LGALS8: variants seen among roughly 807,000 people sequenced by gnomAD.
LGALS8 encodes galectin 8.
In LGALS8, 30 loss-of-function variants were observed where a neutral mutation model predicts 35.9. The ratio of observed to expected loss-of-function variants is 0.83; its 90% CI spans 0.62 to 1.13. The LOEUF (loss-of-function observed/expected upper bound fraction) is 1.13. Ranked by LOEUF, LGALS8 falls within the 50% of genes most tolerant of loss-of-function variation. LGALS8 has a pLI of 0.00. For synonymous variants in LGALS8, 138 were observed against 136.1 expected, an observed-to-expected ratio of 1.01 and a Z score of -0.10; for missense variants, 366 against 388.7, an observed-to-expected ratio of 0.94 and a Z score of 0.49.
At chr1:236,525,634 C>G (rs1660776425) in intron 1 of LGALS8, 2 of 155,850 alleles carry the variant, frequency 1.3e-5, no homozygotes. Flanking sequence ...AACTCCTGAA[C>G]CTCAGGTGAT....
rs183120411 is a variant in LGALS8, at chr1:236,535,244, C to A, written c.46-2253C>A. ...AGAAAAAAATTAAAATCCCATCATC[C>A]CCCATGAAAACTATTGTTATCATTT... On this transcript the variant is annotated intron_variant, in intron 2 of 9. Transcript: ENST00000366584. 3.4e-4 allele frequency among the ~76,000 whole-genome samples: 51 copies of A among 151,722 alleles called. 1 individual carries two copies. The East Asian group carries it at 8.7e-3, about 26-fold the overall frequency.
rs2254487 is a variant in LGALS8, at chr1:236,551,035, C to A, written c.*2874C>A. ...ATCAAAATTAAAATCTGAGTCAGTC[C>A]GCCTGCCTCGGTTCTCATTAGTTTA... On this transcript the variant is annotated 3_prime_UTR_variant, in exon 10 of 10. Transcript: ENST00000366584. 13 of 1,417,498 alleles carry A rather than the reference C, an allele frequency of 9.2e-6. No individual in the cohort carries two copies. The highest frequency in any genetic ancestry group is 1.5e-5 in the African/African-American group (1 of 68,522). The allele number at this position is 1,417,498 out of a possible 1,614,324, so 87.8% of individuals were successfully genotyped here.
intron 2 of LGALS8, chr1:236,536,689 G>A (rs548969460): frequency 6.6e-6 from 1 of 152,608 alleles, no homozygotes; most frequent in Non-Finnish European, 1.5e-5. Context: ...GGAATCCCAG[G>A]TGTGGGGGCG....
rs1662806220 is a variant in LGALS8, at chr1:236,552,671, C to G, written c.*4510C>G. 1 of 152,224 alleles carries G rather than the reference C, an allele frequency of 6.6e-6. No homozygotes were observed. The highest frequency in any genetic ancestry group is 2.4e-5 in the African/African-American group (1 of 41,470). The allele number at this position is 152,224 out of a possible 1,614,324, so 9.4% of individuals were successfully genotyped here. The stretch of plus-strand genomic sequence containing the variant: ...TCTAGGTGTTCCTCACATGCCTTGT[C>G]TATAATAAGGAAAGCAAGCAGTAGT... On this transcript the variant is annotated 3_prime_UTR_variant, in exon 10 of 10. Coordinates refer to ENST00000366584, the MANE Select transcript of LGALS8 (RefSeq NM_201544.4).
chr1:236,522,951 A>C (rs2103060630), upstream of LGALS8: 1 of 152,368 alleles, frequency 6.6e-6, no homozygotes, highest in East Asian at 1.9e-4. Flanking sequence ...CAGGGAGGAG[A>C]AAGCCCACGT....
chr1:236,521,480 G>A (rs1035473268), upstream of LGALS8, among the ~76,000 whole-genome samples: 1 of 152,194 alleles, frequency 6.6e-6, no homozygotes, highest in African/African-American at 2.4e-5. Context: ...GATTCGGGCA[G>A]ATCAGGAAGT....
chr1:236,547,273 G>C (rs1304580107), intron 9 of LGALS8, among the ~76,000 whole-genome samples: 5 of 152,198 alleles, frequency 3.3e-5, no homozygotes, highest in Admixed American at 3.3e-4. Flanking sequence ...TGATGTAAAA[G>C]GCTAGTAGGT....
Position 236,524,077 on chromosome 1 carries a change from C to G in LGALS8, c.-104+16C>G. On this transcript the variant is annotated intron_variant, in intron 1 of 9. Coordinates refer to ENST00000366584, the MANE Select transcript of LGALS8 (RefSeq NM_201544.4). ...CAGTCTTTGGGTGAGTCGCGCGACC[C>G]CCGGCCTCGGGTGGCGGGGCAGTCG... The G allele has an allele frequency of 2.2e-6, 1 of 455,376 alleles. No homozygotes were observed. The highest frequency in any genetic ancestry group is 1.6e-5 in the South Asian group (1 of 64,468). The allele number at this position is 455,376 out of a possible 1,614,324, so 28.2% of individuals were successfully genotyped here.
intron 7 of LGALS8, 148 bp from the exon 8 acceptor site, chr1:236,543,412 C>T (rs1273528400): frequency 1.4e-6 from 1 of 726,712 alleles, no homozygotes; most frequent in African/African-American, 1.7e-5. Context: ...TGCAGGGGAC[C>T]CAGCTGGGAC....
At chr1:236,534,811 C>G (rs888193427) in intron 2 of LGALS8, among the ~76,000 whole-genome samples, 9 of 151,900 alleles carry the variant, frequency 5.9e-5, no homozygotes, top group Admixed American at 5.2e-4. Context: ...CATTACCTCC[C>G]AAAGCAACCC....
chr1:236,538,094 A>C (rs1202927500), intron 3 of LGALS8, among the ~76,000 whole-genome samples: 1 of 129,248 alleles, frequency 7.7e-6, no homozygotes, highest in Admixed American at 8.2e-5. Flanking sequence ...GACAAAAAAA[A>C]AAAAGAAAAA....
Position 236,541,664 on chromosome 1 carries a change from G to C in LGALS8, c.476G>C (p.Ser159Thr). Residue 159 changes from serine to threonine, a missense_variant, in exon 6 of 10, where the codon AGT (serine) becomes ACT (threonine). By Grantham distance (58) the Ser-to-Thr change is moderately conservative. Coordinates refer to ENST00000366584, the MANE Select transcript of LGALS8 (RefSeq NM_201544.4). ...ATTATCTTTTCTCAGGACTTACAAA[G>C]TACCCAAGCATCTAGTCTGGAACTG... ...IGFSFSSDLQ[S>T]TQASSLELTE... is the part of the protein sequence containing the mutation. The C allele has an allele frequency of 5.3e-6, 8 of 1,511,874 alleles. No individual in the cohort carries two copies. Among genetic ancestry groups the C allele is most frequent in the Non-Finnish European group, 6.3e-6 (7 of 1,110,728 alleles). 93.7% of individuals were successfully genotyped at this position (1,511,874 alleles called of 1,614,324 possible).
chr1:236,543,615 T>A lies in LGALS8; in HGVS notation c.605T>A (p.Val202Asp), dbSNP rs930668604. The change falls in exon 8 of 10, where the codon GTC becomes GAC. Residue 202 changes from valine (V) to aspartate (D), a missense_variant. Coordinates refer to ENST00000366584, the MANE Select transcript of LGALS8 (RefSeq NM_201544.4). ...CCCATGGGCCCTGGACGAACTGTCG[T>A]CGTTAAAGGAGAAGTGAATGCAAAT... Reference protein sequence around the residue: ...NTPMGPGRTVVVKGEVNANAK... With the variant: ...NTPMGPGRTVDVKGEVNANAK... The A allele has an allele frequency of 6.2e-7, 1 of 1,613,906 alleles. No homozygotes were observed. Among genetic ancestry groups the A allele is most frequent in the Non-Finnish European group, 8.5e-7 (1 of 1,179,972 alleles).
rs11316979 is a variant in LGALS8 at position 236,529,622 on chromosome 1, G to GT, written c.45+3522dup. ...AAAAAAAAGTTAGGCTTCCTTTTCT[G>GT]TTTTTTTTTTTTTTTCTTTCTTCTC... On this transcript the variant is annotated intron_variant, in intron 2 of 9. Transcript: ENST00000366584. Among the ~76,000 whole-genome samples, 186 of 114,730 alleles carry GT rather than the reference G, an allele frequency of 1.6e-3. 2 individuals carry two copies. The highest frequency in any genetic ancestry group is 6.0e-3 in the Middle Eastern group (1 of 166). The allele number at this position is 114,730 out of a possible 152,430, so 75.3% of individuals were successfully genotyped here.
rs371245157 is a variant in LGALS8 at position 236,538,101 on chromosome 1, A to AAAAAAAAAAAAAAG, written c.134+519_134+520insAAAAAAAAAAGAAA. ...GCCTGGGTGACAAAAAAAAAAAAGA[A>AAAAAAAAAAAAAAG]AAAGAAAAAGAATTAGGTATGTCAT... is the stretch of plus-strand genomic sequence containing the variant. On this transcript the variant is annotated intron_variant, in intron 3 of 9. Coordinates refer to ENST00000366584, the MANE Select transcript of LGALS8 (RefSeq NM_201544.4). 2.2e-3 allele frequency among the ~76,000 whole-genome samples: 207 copies of AAAAAAAAAAAAAAG among 96,026 alleles called. 29 individuals carry two copies. Among genetic ancestry groups the AAAAAAAAAAAAAAG allele is most frequent in the African/African-American group, 5.7e-3 (170 of 30,070 alleles). 63.0% of individuals were successfully genotyped at this position (96,026 alleles called of 152,430 possible).
intron 4 of LGALS8, 134 bp downstream of exon 4, chr1:236,539,223 C>T (rs1448001842): frequency 7.0e-6 from 5 of 718,894 alleles, no homozygotes; most frequent in Non-Finnish European, 9.4e-6. Flanking sequence ...TAGTTTTTCT[C>T]CATAAAAGGA....
Position 236,537,528 on chromosome 1 carries a change from A to G in LGALS8, c.77A>G (p.Gln26Arg). The part of the protein sequence containing the change: ...VIPFVGTIPD[Q>R]LDPGTLIVIR... ...CCGTTTGTTGGCACCATTCCTGATC[A>G]GCTGGATCCTGGAACTTTGATTGTG... Residue 26 changes from glutamine to arginine, a missense_variant, in exon 3 of 10, where the codon CAG (glutamine) becomes CGG (arginine). Physicochemically the swap from Gln to Arg is conservative, Grantham distance 43. Coordinates refer to ENST00000366584, the MANE Select transcript of LGALS8 (RefSeq NM_201544.4). 1 of 1,605,644 alleles carries G rather than the reference A, an allele frequency of 6.2e-7. No individual in the cohort carries two copies. The highest frequency in any genetic ancestry group is 8.5e-7 in the Non-Finnish European group (1 of 1,171,984).
upstream of LGALS8, chr1:236,523,349 G>A (rs1660612149): frequency 6.6e-6 from 1 of 152,428 alleles, no homozygotes; most frequent in African/African-American, 2.4e-5. Flanking sequence ...GCACAGTCCA[G>A]CGTACTGAAC....
chr1:236,535,967 C>T (rs1054212826), intron 2 of LGALS8, among the ~76,000 whole-genome samples: 2 of 152,170 alleles, frequency 1.3e-5, no homozygotes, highest in African/African-American at 2.4e-5. Context: ...GACCTGTGTC[C>T]TGGGGAGGTA....
Sources: gnomAD v4.1 joint callset for allele counts (sites outside exome capture counted in the v4.1 genomes callset) on GRCh38, gnomAD v4.1.1 for gene constraint, MANE v1.5 for transcripts, NCBI Gene and HGNC (gene_info 2026-07-23, HGNC 2026-07-21) for gene names.